The following PCDH15 variants were observed in gnomAD, a reference collection of about 807,000 sequenced individuals.
PCDH15 encodes protocadherin-15.
A neutral mutation model predicts 178.5 loss-of-function variants in PCDH15; 129 were observed. The observed-to-expected ratio is 0.72, with a 90% CI of 0.63 to 0.84. The LOEUF (loss-of-function observed/expected upper bound fraction) is 0.84, where lower values mean the gene tolerates loss of function less well. Ranked by LOEUF, PCDH15 falls within the 40% of genes least tolerant of loss-of-function variation. PCDH15 has a pLI of 0.00. For missense variants in PCDH15, 2,230 were observed against 2,099.9 expected, an observed-to-expected ratio of 1.06 and a Z score of -1.21; for synonymous variants, 800 against 732.0, an observed-to-expected ratio of 1.09 and a Z score of -1.50.
chr10:55,522,724 C>A (rs1309352947), intron 2 of PCDH15, among the ~76,000 whole-genome samples: 1 of 151,740 alleles, frequency 6.6e-6, no homozygotes, highest in Non-Finnish European at 1.5e-5. Flanking sequence ...CAAAGTGAGT[C>A]TTCCATAGGC....
At chr10:55,158,017 A>T (rs1392305370) in intron 2 of PCDH15, among the ~76,000 whole-genome samples, 2 of 151,644 alleles carry the variant, frequency 1.3e-5, no homozygotes, top group African/African-American at 4.8e-5. Context: ...TAAATTTATT[A>T]TGCTCTATAG....
chr10:54,758,852 T>G (rs1052156174), intron 1 of PCDH15, among the ~76,000 whole-genome samples: 4 of 152,226 alleles, frequency 2.6e-5, no homozygotes, highest in Non-Finnish European at 2.9e-5. Flanking sequence ...GCAAAGACTT[T>G]CCGGGTTATA....
chr10:54,727,854 G>A (rs1942789161), intron 1 of PCDH15, among the ~76,000 whole-genome samples: 1 of 151,280 alleles, frequency 6.6e-6, no homozygotes, highest in African/African-American at 2.4e-5. Context: ...TAAGTTCCTG[G>A]AATCACACAA....
chr10:54,055,913 T>C (rs1813523315), intron 18 of PCDH15, among the ~76,000 whole-genome samples: 2 of 152,176 alleles, frequency 1.3e-5, no homozygotes, highest in African/African-American at 4.8e-5. Flanking sequence ...AGAAAACAAA[T>C]GAAAATGACA....
chr10:54,349,938 CT>C (rs1943913727), intron 5 of PCDH15, among the ~76,000 whole-genome samples: 1 of 152,036 alleles, frequency 6.6e-6, no homozygotes, highest in African/African-American at 2.4e-5. Context: ...GCCATATATA[CT>C]TTTATTATTT....
chr10:54,549,436 G>T (rs2086281507), intron 2 of PCDH15, among the ~76,000 whole-genome samples: 1 of 151,662 alleles, frequency 6.6e-6, no homozygotes, highest in South Asian at 2.1e-4. Flanking sequence ...TTAAAAGATA[G>T]TTTTAATAAA....
At chr10:54,245,250 A>T (rs944624648) in intron 8 of PCDH15, among the ~76,000 whole-genome samples, 1 of 152,212 alleles carries the variant, frequency 6.6e-6, no homozygotes, top group Admixed American at 6.5e-5. Context: ...GTAGTTTGGT[A>T]AAAGAACATA....
At chr10:55,478,333 T>TA (rs1407650886) in intron 2 of PCDH15, among the ~76,000 whole-genome samples, 8 of 151,652 alleles carry the variant, frequency 5.3e-5, no homozygotes, top group African/African-American at 1.9e-4. Context: ...AACAGATATT[T>TA]AAAAAACATT....
chr10:54,917,753 G>A (rs1837377673), intron 2 of PCDH15, among the ~76,000 whole-genome samples: 1 of 152,092 alleles, frequency 6.6e-6, no homozygotes, highest in Non-Finnish European at 1.5e-5. Flanking sequence ...GTTCCTTTTG[G>A]ATACCATAAA....
intron 1 of PCDH15, among the ~76,000 whole-genome samples, chr10:54,757,525 C>G (rs1947312005): frequency 2.8e-5 from 1 of 35,180 alleles, no homozygotes; most frequent in South Asian, 5.6e-4. Flanking sequence ...TCGTGATCCG[C>G]CCGTCTCGGC....
chr10:54,467,602 T>G (rs12781533), intron 3 of PCDH15, among the ~76,000 whole-genome samples: 1 of 65,948 alleles, frequency 1.5e-5, no homozygotes, highest in African/African-American at 9.2e-5. Flanking sequence ...CAAGCTGTAG[T>G]TTTTTTTTTT....
intron 1 of PCDH15, among the ~76,000 whole-genome samples, chr10:55,188,526 C>T (rs574826050): frequency 1.1e-4 from 16 of 152,004 alleles, no homozygotes; most frequent in Non-Finnish European, 1.8e-4. Context: ...AACAGACCCT[C>T]ACTCTTTCTC....
chr10:54,781,582 G>A (rs1362316011), intron 1 of PCDH15, among the ~76,000 whole-genome samples: 1 of 152,122 alleles, frequency 6.6e-6, no homozygotes, highest in East Asian at 1.9e-4. Context: ...TCATTCTAAT[G>A]AAGCAATAAC....
At chr10:55,494,834 AC>A (rs1427681936) in intron 2 of PCDH15, among the ~76,000 whole-genome samples, 1 of 151,798 alleles carries the variant, frequency 6.6e-6, no homozygotes, top group African/African-American at 2.4e-5. Flanking sequence ...GAAAAACAAA[AC>A]CAAAGTTGGA....
chr10:53,994,339 A>T (rs902533141), intron 21 of PCDH15, among the ~76,000 whole-genome samples: 1 of 152,138 alleles, frequency 6.6e-6, no homozygotes, highest in Non-Finnish European at 1.5e-5. Flanking sequence ...AATTTTTTTT[A>T]AATGTATGTT....
intron 1 of PCDH15, among the ~76,000 whole-genome samples, chr10:54,756,199 G>A (rs7899917): frequency 0.36 from 54,163 of 151,502 alleles, 9,940 homozygotes; most frequent in Middle Eastern, 0.46. Flanking sequence ...GCAGTGAGCC[G>A]AGATCACGCC....
chr10:54,915,014 C>A (rs376233943), intron 2 of PCDH15, among the ~76,000 whole-genome samples: 40 of 152,328 alleles, frequency 2.6e-4, no homozygotes, highest in African/African-American at 9.1e-4. Flanking sequence ...GAAACCTAGA[C>A]ATTTAGACAT....
At chr10:54,931,004 A>G (rs777409214) in intron 2 of PCDH15, among the ~76,000 whole-genome samples, 1 of 152,322 alleles carries the variant, frequency 6.6e-6, no homozygotes, top group Non-Finnish European at 1.5e-5. Context: ...TGGATTATAT[A>G]TTTACTTAAT....
chr10:55,548,255 A>C (rs61851671), intron 2 of PCDH15, among the ~76,000 whole-genome samples: 1,348 of 132,624 alleles, frequency 0.01, 27 homozygotes, highest in African/African-American at 0.036. Context: ...CACACACACA[A>C]ACATGATCCT....
Sources: allele counts gnomAD v4.1 joint callset (sites outside exome capture counted in the v4.1 genomes callset), GRCh38; gene constraint gnomAD v4.1.1; transcripts MANE v1.5; gene names NCBI Gene and HGNC (gene_info 2026-07-23, HGNC 2026-07-21).